The following MAGI1 variants were observed in gnomAD, a reference collection of about 807,000 sequenced individuals.
MAGI1 encodes membrane-associated guanylate kinase, WW and PDZ domain-containing protein 1.
Under a neutral mutation model 139.9 loss-of-function variants are expected in MAGI1, and 58 were observed. The observed-to-expected ratio is 0.41, with a 90% CI of 0.34 to 0.52. MAGI1 has a LOEUF of 0.52. MAGI1 is among the 20% of genes least tolerant of loss of function. MAGI1 has a pLI of 0.12. For synonymous variants in MAGI1, 812 were observed against 737.9 expected (o/e 1.10, Z -1.63); for missense variants, 1,874 against 1,901.6 (o/e 0.99, Z 0.27).
intron 1 of MAGI1, among the ~76,000 whole-genome samples, chr3:65,866,153 T>C (rs1486619406): frequency 6.6e-6 from 1 of 151,356 alleles, no homozygotes; most frequent in Admixed American, 6.6e-5. Flanking sequence ...ATATAAAATA[T>C]ATACTACGTA....
intron 1 of MAGI1, among the ~76,000 whole-genome samples, chr3:65,824,999 C>A (rs1209692267): frequency 6.6e-6 from 1 of 152,168 alleles, no homozygotes; most frequent in Non-Finnish European, 1.5e-5. Flanking sequence ...AACACACACA[C>A]AAATGGCTTA....
At position 65,869,463 on chromosome 3, in the gene MAGI1, T is replaced by C. The variant is rs189595943; in HGVS notation, c.313+168533A>G. 6.8e-3 allele frequency among the ~76,000 whole-genome samples: 1,025 copies of C among 150,180 alleles called. 1 individual carries two copies. The highest frequency in any genetic ancestry group is 0.012 in the Non-Finnish European group (795 of 67,618). On this transcript the variant is annotated intron_variant, in intron 1 of 22. Transcript: ENST00000402939. ...TCACCCAGGTTGGAGTGCAGTGGCG[T>C]GATCTCCACTCACTGCAAGCTCCAC...
chr3:65,437,497 A>G (rs1475169109), intron 9 of MAGI1, among the ~76,000 whole-genome samples: 1 of 152,066 alleles, frequency 6.6e-6, no homozygotes, highest in Non-Finnish European at 1.5e-5. Flanking sequence ...TGGAAAGTCC[A>G]AAGTGAAGTC....
At chr3:65,882,099 TTC>T (rs1167588525) in intron 1 of MAGI1, among the ~76,000 whole-genome samples, 1 of 152,266 alleles carries the variant, frequency 6.6e-6, no homozygotes, top group Non-Finnish European at 1.5e-5. Context: ...AAAGTTGGTT[TTC>T]TTTCTGTAAA....
chr3:65,478,681 T>C lies in MAGI1; in HGVS notation c.668A>G (p.Lys223Arg). The C allele has an allele frequency of 6.2e-7, 1 of 1,614,084 alleles. No individual in the cohort carries two copies. The highest frequency in any genetic ancestry group is 1.1e-5 in the South Asian group (1 of 91,074). Residue 223 changes from lysine to arginine, a missense_variant, in exon 4 of 23, where the codon AAG becomes AGG. By Grantham distance (26) the Lys-to-Arg change is conservative (BLOSUM62 2). This residue lies in a region of MAGI1 where 648 missense variants were observed against 598.1 expected (regional missense o/e 1.08). Coordinates refer to ENST00000402939, the MANE Select transcript of MAGI1 (RefSeq NM_001033057.2). ...AGCATTTTGCATATCATTGTAGGAC[T>C]TGGTTCGCTTCGGGGTCGACTGCTT... ...GSKQSTPKRT[K>R]SYNDMQNAGI...
At chr3:66,004,910 C>A (rs1411187847) in intron 1 of MAGI1, among the ~76,000 whole-genome samples, 2 of 152,146 alleles carry the variant, frequency 1.3e-5, no homozygotes, top group African/African-American at 4.8e-5. Context: ...AAACACTACT[C>A]CTGGCAACAA....
chr3:65,419,221 T>TACACACACACACACACACACAC (rs71102854), intron 12 of MAGI1, among the ~76,000 whole-genome samples: 29 of 86,274 alleles, frequency 3.4e-4, no homozygotes, highest in Middle Eastern at 6.3e-3. Flanking sequence ...AACACATTCA[T>TACACACACACACACACACACAC]ACACACACAC....
At chr3:65,467,084 A>T (rs962629050) in intron 5 of MAGI1, among the ~76,000 whole-genome samples, 4 of 152,208 alleles carry the variant, frequency 2.6e-5, no homozygotes, top group Admixed American at 6.5e-5. Flanking sequence ...AGTAAAACAG[A>T]AAGGGAACTC....
At chr3:66,016,858 T>C (rs918930760) in intron 1 of MAGI1, among the ~76,000 whole-genome samples, 4 of 152,186 alleles carry the variant, frequency 2.6e-5, no homozygotes, top group African/African-American at 9.7e-5. Context: ...GGATGAATCT[T>C]GAGGACATTA....
chr3:65,730,429 G>A lies in MAGI1; in HGVS notation c.314-108341C>T, dbSNP rs146628629. The stretch of plus-strand genomic sequence containing the variant: ...AAAGCAGGAAGCAGGAGACAGGGGC[G>A]AAATGACTATCTTCATGAGTATCCA... On this transcript the variant is annotated intron_variant, in intron 1 of 22. Coordinates refer to ENST00000402939, the MANE Select transcript of MAGI1 (RefSeq NM_001033057.2). Among the ~76,000 whole-genome samples the A allele has an allele frequency of 2.2e-4, 34 of 152,282 alleles. No homozygotes were observed. In the East Asian group the frequency reaches 5.4e-3, roughly 24 times the overall value.
intron 12 of MAGI1, 119 bp from the exon 13 acceptor site, chr3:65,401,589 T>C (rs1944900850): frequency 1.3e-6 from 2 of 1,552,768 alleles, no homozygotes; most frequent in Non-Finnish European, 1.7e-6. Context: ...TGCAGAGTTA[T>C]GTCAGATTTC....
At chr3:65,700,612 T>C (rs1048429295) in intron 1 of MAGI1, among the ~76,000 whole-genome samples, 7 of 152,198 alleles carry the variant, frequency 4.6e-5, no homozygotes, top group Admixed American at 3.9e-4. Flanking sequence ...TGGATCTACT[T>C]ATAAATAAAA....
At chr3:65,685,079 A>C (rs1253670905) in intron 1 of MAGI1, among the ~76,000 whole-genome samples, 1 of 151,722 alleles carries the variant, frequency 6.6e-6, no homozygotes, top group African/African-American at 2.4e-5. Context: ...TTCGGAAATT[A>C]TACCACTGGA....
Position 65,661,745 on chromosome 3 carries a change from G to GTTT in MAGI1, c.314-39660_314-39658dup, listed in dbSNP as rs11369893. ...TTTTTTTGTTGTTTTGTTTTTTTCT[G>GTTT]TTTTTTTTTTTTTTTTTTTTGAGAT... is the stretch of plus-strand genomic sequence containing the variant. On this transcript the variant is annotated intron_variant, in intron 1 of 22. Transcript: ENST00000402939. Among the ~76,000 whole-genome samples the GTTT allele has an allele frequency of 5.9e-3, 554 of 93,904 alleles. 41 individuals carry two copies. The highest frequency in any genetic ancestry group is 0.012 in the African/African-American group (275 of 23,658). 61.6% of individuals were successfully genotyped at this position (93,904 alleles called of 152,430 possible).
At chr3:65,880,589 G>C (rs1259914645) in intron 1 of MAGI1, among the ~76,000 whole-genome samples, 1 of 152,098 alleles carries the variant, frequency 6.6e-6, no homozygotes, top group Non-Finnish European at 1.5e-5. Flanking sequence ...TGAGGTGGGA[G>C]AATCAGCATA....
chr3:65,926,850 C>T (rs1391051368), intron 1 of MAGI1, among the ~76,000 whole-genome samples: 1 of 152,094 alleles, frequency 6.6e-6, no homozygotes, highest in Admixed American at 6.5e-5. Flanking sequence ...ACAAAATTTG[C>T]TGGGCGCGGT....
At chr3:65,587,584 C>T (rs112901752) in intron 2 of MAGI1, among the ~76,000 whole-genome samples, 1 of 150,486 alleles carries the variant, frequency 6.6e-6, no homozygotes, top group Non-Finnish European at 1.5e-5. Flanking sequence ...CCTGGGCTTC[C>T]ACCTCCCAGC....
At chr3:65,648,830 T>C (rs2085422403) in intron 1 of MAGI1, among the ~76,000 whole-genome samples, 3 of 152,320 alleles carry the variant, frequency 2.0e-5, no homozygotes, top group Admixed American at 2.0e-4. Flanking sequence ...TATTTAAGAC[T>C]ACGTGGTATT....
chr3:65,359,409 G>A (rs556830290), intron 22 of MAGI1: 3 of 1,251,020 alleles, frequency 2.4e-6, no homozygotes, highest in African/African-American at 1.5e-5. Flanking sequence ...GACAACGAAT[G>A]CATCCTTTTT....
Sources: gnomAD v4.1 joint callset for allele counts (sites outside exome capture counted in the v4.1 genomes callset) on GRCh38, gnomAD v4.1.1 for gene constraint, gnomAD v4.1.1 regional missense constraint, MANE v1.5 for transcripts, NCBI Gene and HGNC (gene_info 2026-07-23, HGNC 2026-07-21) for gene names.